SMOC1: variants seen among roughly 807,000 people sequenced by gnomAD.
The protein encoded by SMOC1 is SPARC-related modular calcium-binding protein 1.
A neutral mutation model predicts 56.3 loss-of-function variants in SMOC1; 22 were observed. That is an observed-to-expected ratio of 0.39 (90% confidence interval 0.28 to 0.56). SMOC1 has a LOEUF of 0.56. Ranked by LOEUF, SMOC1 falls within the 20% of genes least tolerant of loss-of-function variation. The probability of loss-of-function intolerance (pLI) is 0.61; values close to 1 mark genes in which losing one functional copy is unlikely to be tolerated. For synonymous variants in SMOC1, 193 were observed against 215.0 expected (o/e 0.90, Z 0.89); for missense variants, 509 against 565.4 (o/e 0.90, Z 1.01).
At position 69,917,615 on chromosome 14, in the gene SMOC1, C is replaced by T. The variant is rs142509372; in HGVS notation, c.100-34523C>T. On this transcript the variant is annotated intron_variant, in intron 1 of 11. Coordinates refer to ENST00000361956, the MANE Select transcript of SMOC1 (RefSeq NM_001034852.3). ...CAGTGTGTGTGCTGGCGGTCTTCAG[C>T]GGGTTACACTTCGGATGGTAACACA... is the stretch of plus-strand genomic sequence containing the variant. 4.1e-3 allele frequency among the ~76,000 whole-genome samples: 620 copies of T among 152,300 alleles called. 3 individuals carry two copies. Among genetic ancestry groups the T allele is most frequent in the African/African-American group, 0.014 (568 of 41,566 alleles).
intron 1 of SMOC1, among the ~76,000 whole-genome samples, chr14:69,927,406 C>A (rs147265473): frequency 6.6e-6 from 1 of 152,162 alleles, no homozygotes; most frequent in Non-Finnish European, 1.5e-5. Flanking sequence ...AGGAGCCGGG[C>A]GTGGTGGCTC....
intron 11 of SMOC1, among the ~76,000 whole-genome samples, chr14:70,029,038 C>T (rs1425485623): frequency 6.6e-6 from 1 of 152,178 alleles, no homozygotes; most frequent in Non-Finnish European, 1.5e-5. Flanking sequence ...GAGCAGAAGC[C>T]GTACAGCTGT....
intron 3 of SMOC1, among the ~76,000 whole-genome samples, chr14:69,971,307 C>T (rs1478471512): frequency 3.3e-5 from 5 of 152,168 alleles, no homozygotes; most frequent in East Asian, 3.9e-4. Context: ...CATGAGCCAC[C>T]GCACCTGGCC....
chr14:69,907,975 C>T (rs1884454721), intron 1 of SMOC1, among the ~76,000 whole-genome samples: 1 of 152,174 alleles, frequency 6.6e-6, no homozygotes, highest in South Asian at 2.1e-4. Flanking sequence ...CAAAGGCCTC[C>T]TAATACTATT....
At chr14:69,934,462 A>G (rs1282297423) in intron 1 of SMOC1, among the ~76,000 whole-genome samples, 4 of 152,190 alleles carry the variant, frequency 2.6e-5, no homozygotes, top group Non-Finnish European at 5.9e-5. Context: ...GCAGCTCCCC[A>G]GGAGAGAGAC....
At chr14:70,022,384 C>G (rs1885757492) in intron 10 of SMOC1, among the ~76,000 whole-genome samples, 1 of 152,014 alleles carries the variant, frequency 6.6e-6, no homozygotes, top group Admixed American at 6.5e-5. Flanking sequence ...GACTCTGCCT[C>G]TGGATGCCAG....
chr14:69,953,631 G>A, intron 3 of SMOC1, 99 bp downstream of exon 3: 1 of 977,678 alleles, frequency 1.0e-6, no homozygotes, highest in African/African-American at 1.6e-5. Context: ...CACTTTCTGG[G>A]AAACAGTTGA....
At chr14:70,027,222 T>G (rs1885959734) in intron 11 of SMOC1, among the ~76,000 whole-genome samples, 1 of 152,092 alleles carries the variant, frequency 6.6e-6, no homozygotes. Context: ...TGCTCAAGGG[T>G]ACATGTGAGG....
At chr14:69,910,715 C>A (rs1475777565) in intron 1 of SMOC1, among the ~76,000 whole-genome samples, 1 of 151,864 alleles carries the variant, frequency 6.6e-6, no homozygotes, top group East Asian at 1.9e-4. Flanking sequence ...TGTGTGTATG[C>A]CGAGGAGGTG....
chr14:69,884,226 A>G (rs1457789688), intron 1 of SMOC1, among the ~76,000 whole-genome samples: 1 of 152,034 alleles, frequency 6.6e-6, no homozygotes, highest in East Asian at 1.9e-4. Context: ...AAATATACCT[A>G]TTGCCCATTT....
chr14:69,953,505 G>T lies in SMOC1; in HGVS notation c.351G>T (p.Glu117Asp), dbSNP rs1347441277. The change falls in exon 3 of 12, where the codon GAG becomes GAT. Residue 117 changes from glutamate (E) to aspartate (D), a missense_variant. Around this residue, in one of 3 missense-constraint regions of SMOC1, gnomAD observed 315 missense variants for 333.1 expected, o/e 0.95. Transcript: ENST00000361956. ...CTCAGGAAGCTGTGTTTGTCCCAGA[G>T]TGTGGCGAGGATGGCTCCTTTACCC... Reference protein sequence around the residue: ...KKPQEAVFVPECGEDGSFTQV... With the variant: ...KKPQEAVFVPDCGEDGSFTQV... 6.2e-7 allele frequency: 1 copy of T among 1,614,262 alleles called. No homozygotes were observed. Among genetic ancestry groups the T allele is most frequent in the South Asian group, 1.1e-5 (1 of 91,088 alleles).
intron 1 of SMOC1, among the ~76,000 whole-genome samples, chr14:69,890,005 ACCT>A (rs1883918181): frequency 6.6e-6 from 1 of 152,038 alleles, no homozygotes; most frequent in Non-Finnish European, 1.5e-5. Context: ...ATTAGAACAA[ACCT>A]CCTTGCCCTG....
chr14:69,983,555 G>C (rs151240238), intron 5 of SMOC1, among the ~76,000 whole-genome samples: 140 of 152,338 alleles, frequency 9.2e-4, no homozygotes, highest in Non-Finnish European at 1.7e-3. Flanking sequence ...AGGGAAGGCA[G>C]GTGGCCCCTC....
At chr14:69,905,124 T>C (rs1275846) in intron 1 of SMOC1, among the ~76,000 whole-genome samples, 143,584 of 152,174 alleles carry the variant, frequency 0.94, 68,283 homozygotes, top group South Asian at 1. Flanking sequence ...CATGTGAAAA[T>C]GTTATGTGTA....
chr14:69,955,032 C>T (rs547589201), intron 3 of SMOC1, among the ~76,000 whole-genome samples: 3 of 152,240 alleles, frequency 2.0e-5, no homozygotes, highest in East Asian at 3.9e-4. Context: ...GTTAAACTGA[C>T]GTTTGTTGCC....
At position 69,994,464 on chromosome 14, in the gene SMOC1, C is replaced by G. The variant is rs898643886; in HGVS notation, c.648C>G (p.Thr216=). The change falls in exon 7 of 12, where the codon ACC becomes ACG. Residue 216 remains threonine, a synonymous_variant. Coordinates refer to ENST00000361956, the MANE Select transcript of SMOC1 (RefSeq NM_001034852.3). ...LVIKDSKLNN[T]NIRNSEKVYS... ...TCAAGGACTCCAAACTGAACAACAC[C>G]AACATAAGAAATTCAGGTAAATAAC... 1 of 1,613,048 alleles carries G rather than the reference C, an allele frequency of 6.2e-7. No homozygotes were observed. Among genetic ancestry groups the G allele is most frequent in the East Asian group, 2.2e-5 (1 of 44,878 alleles).
At chr14:70,018,539 C>T (rs1885600499) in intron 10 of SMOC1, among the ~76,000 whole-genome samples, 1 of 152,144 alleles carries the variant, frequency 6.6e-6, no homozygotes, top group Admixed American at 6.5e-5. Context: ...AGTGAGTTAT[C>T]CCTTTGGCCC....
At chr14:69,943,309 C>G (rs574402264) in intron 1 of SMOC1, among the ~76,000 whole-genome samples, 2 of 152,320 alleles carry the variant, frequency 1.3e-5, no homozygotes, top group South Asian at 4.1e-4. Context: ...TATCTTCCCT[C>G]TTCCATCTTC....
intron 5 of SMOC1, chr14:69,978,183 C>A: frequency 1.6e-6 from 1 of 611,572 alleles, no homozygotes; most frequent in South Asian, 1.9e-5. Context: ...AGGGAGGTGA[C>A]TGAGTATAGA....
Sources: gnomAD v4.1 joint callset for allele counts (sites outside exome capture counted in the v4.1 genomes callset) on GRCh38, gnomAD v4.1.1 for gene constraint, gnomAD v4.1.1 regional missense constraint, MANE v1.5 for transcripts, NCBI Gene and HGNC (gene_info 2026-07-23, HGNC 2026-07-21) for gene names.